The following SCARB1 variants were observed in gnomAD, a reference collection of about 807,000 sequenced individuals.
SCARB1 encodes the protein scavenger receptor class B member 1.
A neutral mutation model predicts 57.2 loss-of-function variants in SCARB1; 30 were observed. The observed-to-expected ratio is 0.52, with a 90% confidence interval of 0.39 to 0.71. The LOEUF is 0.71. Among genes scored for constraint, SCARB1 ranks in the 30% least tolerant of loss-of-function variants. SCARB1 has a pLI of 0.00. For synonymous variants in SCARB1, 249 were observed against 268.3 expected, an observed-to-expected ratio of 0.93 and a Z score of 0.70; for missense variants, 543 against 671.2, an observed-to-expected ratio of 0.81 and a Z score of 2.11.
rs1949366862 is a variant in SCARB1, at chr12:124,782,794, A to G, written c.1419T>C (p.Phe473=). The change falls in exon 12 of 13, where the codon TTT becomes TTC. Residue 473 remains phenylalanine (F), a synonymous_variant. Coordinates refer to ENST00000261693, the MANE Select transcript of SCARB1 (RefSeq NM_005505.5). The part of the protein sequence containing the change: ...QIRSQEKCYL[F]WSSSKKGSKD... ...TTGAGCCCTTTTTACTACTACTCCA[A>G]AATAAATAGCATTTCTCCTAGAAGA... 1 of 1,614,010 alleles carries G rather than the reference A, an allele frequency of 6.2e-7. No individual in the cohort carries two copies. The highest frequency in any genetic ancestry group is 1.1e-5 in the South Asian group (1 of 91,084).
intron 4 of SCARB1, among the ~76,000 whole-genome samples, chr12:124,813,747 C>CT (rs1444816690): frequency 6.6e-6 from 1 of 152,180 alleles, no homozygotes; most frequent in Non-Finnish European, 1.5e-5. Flanking sequence ...ATGGCTGAGG[C>CT]TGGAGCAGTC....
rs975682077 is a variant in SCARB1, at chr12:124,796,293, T to C, written c.1129-1025A>G. Among the ~76,000 whole-genome samples, 4 of 152,020 alleles carry C rather than the reference T, an allele frequency of 2.6e-5. No individual in the cohort carries two copies. Among genetic ancestry groups the C allele is most frequent in the Non-Finnish European group, 5.9e-5 (4 of 67,988 alleles). ...TTTGTAGAGACAGAGTTTCACTATG[T>C]TGCCCAGGCTGGCGTCAAACTCCTA... On this transcript the variant is annotated intron_variant, in intron 8 of 12. Transcript: ENST00000261693. This position sits in a 1 kb window ranked among gnomAD's most constrained non-coding sequence, Gnocchi z 4.0.
chr12:124,782,843 C>T (rs199604231), intron 11 of SCARB1, 32 bp from the exon 12 acceptor site: 40 of 1,612,634 alleles, frequency 2.5e-5, no homozygotes, highest in East Asian at 8.9e-5. Flanking sequence ...TTATAGTTGA[C>T]GTTGAAGCCA....
At chr12:124,815,694 C>T (rs1341139967) in intron 2 of SCARB1, among the ~76,000 whole-genome samples, 3 of 152,080 alleles carry the variant, frequency 2.0e-5, no homozygotes, top group Admixed American at 6.5e-5. Flanking sequence ...GGCGAAACCA[C>T]GTCTCTACTA....
rs1324268124 is a variant in SCARB1, at chr12:124,817,923, A to T, written c.127-216T>A. Reference sequence around the variant, plus strand: ...CAACCTATCCATGCTGTCATAATGCATCTTAAAATATGTCCTAACAGCAAC... The same window carrying T: ...CAACCTATCCATGCTGTCATAATGCTTCTTAAAATATGTCCTAACAGCAAC... On this transcript the variant is annotated intron_variant, in intron 1 of 12. Transcript: ENST00000261693. This position sits in a 1 kb window ranked among gnomAD's most constrained non-coding sequence, Gnocchi z 4.8. Among the ~76,000 whole-genome samples the T allele has an allele frequency of 6.6e-6, 1 of 152,222 alleles. No homozygotes were observed. The highest frequency in any genetic ancestry group is 1.5e-5 in the Non-Finnish European group (1 of 68,042).
At chr12:124,850,935 C>T (rs1952373638) in intron 1 of SCARB1, among the ~76,000 whole-genome samples, 1 of 152,176 alleles carries the variant, frequency 6.6e-6, no homozygotes. Context: ...GGGAACCACC[C>T]TACTCCTACC....
intron 12 of SCARB1, among the ~76,000 whole-genome samples, chr12:124,779,436 G>A (rs533509409): frequency 2.4e-4 from 36 of 152,288 alleles, no homozygotes; most frequent in African/African-American, 7.9e-4. Context: ...CACGTGCCAA[G>A]TTCCTGGCCA....
Position 124,814,417 on chromosome 12 carries a change from A to AGG in SCARB1, c.427-14_427-13dup. The AGG allele has an allele frequency of 6.2e-7, 1 of 1,612,716 alleles. No homozygotes were observed. Among genetic ancestry groups the AGG allele is most frequent in the Non-Finnish European group, 8.5e-7 (1 of 1,179,812 alleles). On this transcript the variant is annotated splice_polypyrimidine_tract_variant and intron_variant, in intron 3 of 12. Coordinates refer to ENST00000261693, the MANE Select transcript of SCARB1 (RefSeq NM_005505.5). This position sits in a 1 kb window ranked among gnomAD's most constrained non-coding sequence, Gnocchi z 4.7. The stretch of plus-strand genomic sequence containing the variant: ...ATCACCGCCGCACCCTGCAAGGCGA[A>AGG]GGGACACTAGTGTCAGAGGCTGGAC...
chr12:124,792,916 CTCT>C (rs1312771895), intron 9 of SCARB1, among the ~76,000 whole-genome samples: 1 of 14,158 alleles, frequency 7.1e-5, no homozygotes, highest in Non-Finnish European at 1.2e-4. Flanking sequence ...CCCAGGTCGC[CTCT>C]TCTATCTGGT....
rs1473208271 is a variant in SCARB1, at chr12:124,796,717, C to G, written c.1129-1449G>C. ...GTTTTCTTCATTATGGCCCAGCATGCTGAGGACCTTCCAGGCCCCTGTGGC... is the reference window on the plus strand; with the variant it reads ...GTTTTCTTCATTATGGCCCAGCATGGTGAGGACCTTCCAGGCCCCTGTGGC... On this transcript the variant is annotated intron_variant, in intron 8 of 12. Transcript: ENST00000261693. The surrounding 1 kb of genome is among the most constrained non-coding windows in gnomAD (Gnocchi z 4.0). Among the ~76,000 whole-genome samples, 1 of 152,192 alleles carries G rather than the reference C, an allele frequency of 6.6e-6. No homozygotes were observed. Among genetic ancestry groups the G allele is most frequent in the Admixed American group, 6.5e-5 (1 of 15,278 alleles).
intron 5 of SCARB1, among the ~76,000 whole-genome samples, chr12:124,811,448 AT>A (rs34541150): frequency 0.08 from 12,092 of 151,990 alleles, 629 homozygotes; most frequent in African/African-American, 0.15. Flanking sequence ...AATTTTTTGT[AT>A]TTTAGTAGAG....
chr12:124,798,144 CT>C (rs1299667506), intron 8 of SCARB1, among the ~76,000 whole-genome samples: 4 of 152,356 alleles, frequency 2.6e-5, no homozygotes, highest in African/African-American at 9.6e-5. Context: ...GGCGCGGCGG[CT>C]CACGCCTGGA....
chr12:124,847,572 ATGAGTC>A, intron 1 of SCARB1, among the ~76,000 whole-genome samples: 1 of 152,138 alleles, frequency 6.6e-6, no homozygotes, highest in African/African-American at 2.4e-5. Context: ...GGCCCAGGGG[ATGAGTC>A]AGGGATCAGA....
At chr12:124,821,477 A>G in intron 1 of SCARB1, 2 of 887,564 alleles carry the variant, frequency 2.3e-6, no homozygotes, top group African/African-American at 3.7e-5. Flanking sequence ...CCATGTCTCA[A>G]TCTCTCTCTC....
intron 1 of SCARB1, among the ~76,000 whole-genome samples, chr12:124,844,387 G>A (rs10846757): frequency 0.43 from 66,090 of 151,934 alleles, 14,730 homozygotes; most frequent in African/African-American, 0.5. Context: ...TAGCTCCCTC[G>A]GTCCTCACTG....
At chr12:124,792,814 C>A (rs1308811053) in intron 9 of SCARB1, among the ~76,000 whole-genome samples, 3 of 151,730 alleles carry the variant, frequency 2.0e-5, no homozygotes, top group Non-Finnish European at 4.4e-5. Context: ...TTTGGAAGTC[C>A]TTTTGAAAAA....
chr12:124,842,143 T>A (rs1250318103), intron 1 of SCARB1, among the ~76,000 whole-genome samples: 1 of 152,038 alleles, frequency 6.6e-6, no homozygotes, highest in Admixed American at 6.6e-5. Context: ...AAAATGAGGG[T>A]TGTAAATGTG....
rs115154412 is a variant in SCARB1, at chr12:124,843,423, G to A, written c.126+20172C>T. ...TGCGCCTGGCCTTGACTTCTGGTTTGTGAGATGGAAGAACATTGGCCCCAT... is the reference window on the plus strand; with the variant it reads ...TGCGCCTGGCCTTGACTTCTGGTTTATGAGATGGAAGAACATTGGCCCCAT... On this transcript the variant is annotated intron_variant, in intron 1 of 12. Coordinates refer to ENST00000261693, the MANE Select transcript of SCARB1 (RefSeq NM_005505.5). Among the ~76,000 whole-genome samples the A allele has an allele frequency of 6.5e-3, 983 of 152,120 alleles. 8 individuals are homozygous for A. The highest frequency in any genetic ancestry group is 0.023 in the African/African-American group (944 of 41,490).
At chr12:124,832,379 G>A (rs879723747) in intron 1 of SCARB1, among the ~76,000 whole-genome samples, 2 of 152,146 alleles carry the variant, frequency 1.3e-5, no homozygotes, top group Non-Finnish European at 2.9e-5. Flanking sequence ...AATTAGCCAG[G>A]TGTGGTGTCA....
Sources: allele counts gnomAD v4.1 joint callset (sites outside exome capture counted in the v4.1 genomes callset), GRCh38; gene constraint gnomAD v4.1.1; non-coding constraint Gnocchi (gnomAD v3.1); transcripts MANE v1.5; gene names NCBI Gene and HGNC (gene_info 2026-07-23, HGNC 2026-07-21).